BRWD1: variants seen among roughly 807,000 people sequenced by gnomAD.
The protein encoded by BRWD1 is bromodomain and WD repeat-containing protein 1.
Under a neutral mutation model 251.2 loss-of-function variants are expected in BRWD1, and 82 were observed. The ratio of observed to expected loss-of-function variants is 0.33; its 90% confidence interval spans 0.27 to 0.39. BRWD1 has a LOEUF of 0.39. Ranked by LOEUF, BRWD1 falls within the 10% of genes least tolerant of loss-of-function variation. BRWD1 has a pLI of 1.00. For missense variants in BRWD1, 2,233 were observed against 2,711.6 expected (o/e 0.82, Z 3.92); for synonymous variants, 918 against 902.8 (o/e 1.02, Z -0.30).
At chr21:39,201,877 T>C (rs1186761215) in intron 38 of BRWD1, among the ~76,000 whole-genome samples, 1 of 152,172 alleles carries the variant, frequency 6.6e-6, no homozygotes, top group Non-Finnish European at 1.5e-5. Context: ...GCAAAACCAC[T>C]CAGAGCAGTA....
At chr21:39,251,261 T>A (rs896252076) in intron 19 of BRWD1, among the ~76,000 whole-genome samples, 1 of 152,198 alleles carries the variant, frequency 6.6e-6, no homozygotes, top group Non-Finnish European at 1.5e-5. Context: ...CAAGCTATGT[T>A]TGATAATTTA....
At chr21:39,237,076 T>C (rs2033836342) in intron 22 of BRWD1, among the ~76,000 whole-genome samples, 1 of 151,816 alleles carries the variant, frequency 6.6e-6, no homozygotes, top group African/African-American at 2.4e-5. Context: ...GGAAGACAAC[T>C]AGCAATTACC....
intron 8 of BRWD1, 102 bp downstream of exon 8, chr21:39,293,709 A>G (rs1253714575): frequency 3.5e-6 from 3 of 854,888 alleles, no homozygotes; most frequent in East Asian, 2.6e-5. Context: ...TACTTAAAAC[A>G]TAACTAATAC....
Position 39,269,899 on chromosome 21 carries a change from C to T in BRWD1, c.1530G>A (p.Met510Ile). The change falls in exon 15 of 41, where the codon ATG becomes ATA. Residue 510 changes from methionine to isoleucine, a missense_variant and splice_region_variant. Met to Ile is a conservative substitution (Grantham distance 10). Around this residue, in one of 12 missense-constraint regions of BRWD1, gnomAD observed 315 missense variants for 421.8 expected, o/e 0.75. Transcript: ENST00000342449. The stretch of plus-strand genomic sequence containing the variant: ...TCAAGGTACATCTCACTTCACTTAC[C>T]ATATTAAAATAATGTTTCATCTTGG... ...KGTKMKHYFN[M>I]IEGQGHGAVF... The T allele has an allele frequency of 6.6e-7, 1 of 1,509,042 alleles. No individual in the cohort carries two copies. The highest frequency in any genetic ancestry group is 8.9e-7 in the Non-Finnish European group (1 of 1,123,744). The allele number at this position is 1,509,042 out of a possible 1,614,324, so 93.5% of individuals were successfully genotyped here.
chr21:39,293,091 A>T (rs2035862012), intron 8 of BRWD1, among the ~76,000 whole-genome samples: 1 of 152,214 alleles, frequency 6.6e-6, no homozygotes, highest in Non-Finnish European at 1.5e-5. Context: ...GTTAGGAAAG[A>T]ATTGGCCATG....
intron 36 of BRWD1, 47 bp from the exon 37 acceptor site, chr21:39,206,321 G>A (rs775266421): frequency 2.2e-6 from 3 of 1,335,906 alleles, no homozygotes; most frequent in Non-Finnish European, 3.1e-6. Flanking sequence ...AGCCTTAAAA[G>A]TACTTAAGAA....
At chr21:39,312,971 G>GGCCGGGGGCCGGC in intron 3 of BRWD1, 71 bp from the exon 4 acceptor site, 1 of 622,650 alleles carries the variant, frequency 1.6e-6, no homozygotes, top group Non-Finnish European at 2.1e-6. Context: ...GGGGGGCCGG[G>GGCCGGGGGCCGGC]GGCGGGCGGC....
intron 4 of BRWD1, among the ~76,000 whole-genome samples, chr21:39,302,713 C>T (rs1169923299): frequency 6.9e-6 from 1 of 144,422 alleles, no homozygotes; most frequent in Non-Finnish European, 1.5e-5. Flanking sequence ...CAAGGTCACA[C>T]CACTGCACTC....
chr21:39,221,820 C>T lies in BRWD1; in HGVS notation c.3382+2588G>A, dbSNP rs957595782. Among the ~76,000 whole-genome samples the T allele has an allele frequency of 2.0e-5, 3 of 152,080 alleles. No homozygotes were observed. The South Asian group carries it at 6.2e-4, about 32-fold the overall frequency. ...TCAGCAGGCTGAGGCACAAGAACCACTTGACCCTGGCAGGTGGAGGTTGCA... is the reference window on the plus strand; with the variant it reads ...TCAGCAGGCTGAGGCACAAGAACCATTTGACCCTGGCAGGTGGAGGTTGCA... On this transcript the variant is annotated intron_variant, in intron 29 of 40. Transcript: ENST00000342449.
At chr21:39,200,463 C>G in intron 38 of BRWD1, 77 bp from the exon 39 acceptor site, 2 of 1,229,982 alleles carry the variant, frequency 1.6e-6, no homozygotes, top group Non-Finnish European at 2.2e-6. Context: ...CATAACATTA[C>G]TCTGAACATT....
chr21:39,312,104 T>G (rs2036504403), intron 4 of BRWD1, among the ~76,000 whole-genome samples: 1 of 152,230 alleles, frequency 6.6e-6, no homozygotes, highest in South Asian at 2.1e-4. Flanking sequence ...GCAACTGCTG[T>G]AACTATAGAT....
chr21:39,249,769 T>C (rs192505004), intron 20 of BRWD1, among the ~76,000 whole-genome samples: 14 of 152,268 alleles, frequency 9.2e-5, no homozygotes, highest in East Asian at 3.9e-4. Flanking sequence ...CGAGTGATAA[T>C]AGGTTAACAT....
In BRWD1 at chr21:39,186,947, G is replaced by A; in HGVS notation, c.*9312C>T. 6.7e-7 allele frequency: 1 copy of A among 1,495,812 alleles called. No homozygotes were observed. The highest frequency in any genetic ancestry group is 1.4e-5 in the South Asian group (1 of 69,000). 92.7% of individuals were successfully genotyped at this position (1,495,812 alleles called of 1,614,324 possible). On this transcript the variant is annotated 3_prime_UTR_variant, in exon 41 of 41. Coordinates refer to ENST00000342449, the MANE Select transcript of BRWD1 (RefSeq NM_033656.4). ...AGATGCCAATAAGGGAGTAATTTTA[G>A]AGCTGGGAGCAGAATGTAACTGCCA... is the stretch of plus-strand genomic sequence containing the variant.
At chr21:39,233,110 C>A (rs2033682047) in intron 23 of BRWD1, among the ~76,000 whole-genome samples, 1 of 152,044 alleles carries the variant, frequency 6.6e-6, no homozygotes, top group South Asian at 2.1e-4. Flanking sequence ...ACTCAAGCAG[C>A]CAGCTTGAGT....
intron 21 of BRWD1, among the ~76,000 whole-genome samples, chr21:39,246,987 A>C (rs1261718449): frequency 6.6e-6 from 1 of 152,088 alleles, no homozygotes; most frequent in African/African-American, 2.4e-5. Context: ...CTGAGGCAGA[A>C]GAATCGCTTG....
At chr21:39,235,077 T>C (rs992361518) in intron 23 of BRWD1, among the ~76,000 whole-genome samples, 10 of 151,972 alleles carry the variant, frequency 6.6e-5, no homozygotes, top group African/African-American at 2.2e-4. Context: ...GACAAAACCA[T>C]GTCTCTACTA....
chr21:39,241,084 T>A (rs910231312), intron 21 of BRWD1, among the ~76,000 whole-genome samples: 2 of 150,512 alleles, frequency 1.3e-5, no homozygotes, highest in Admixed American at 6.6e-5. Context: ...TTTTTTTTTG[T>A]ATTTTTTGTA....
intron 7 of BRWD1, 48 bp downstream of exon 7, chr21:39,295,695 C>G: frequency 7.1e-7 from 1 of 1,408,412 alleles, no homozygotes; most frequent in Non-Finnish European, 9.5e-7. Context: ...CTGAAGCACA[C>G]TAAAGTACTC....
intron 36 of BRWD1, among the ~76,000 whole-genome samples, chr21:39,208,287 C>G (rs532942687): frequency 6.6e-6 from 1 of 152,006 alleles, no homozygotes; most frequent in South Asian, 2.1e-4. Context: ...TGAAAAAAAA[C>G]AGTCTTACAA....
Sources: allele counts gnomAD v4.1 joint callset (sites outside exome capture counted in the v4.1 genomes callset), GRCh38; gene constraint gnomAD v4.1.1; regional missense constraint gnomAD v4.1.1; transcripts MANE v1.5; gene names NCBI Gene and HGNC (gene_info 2026-07-23, HGNC 2026-07-21).